KCNB2: variants seen among roughly 807,000 people sequenced by gnomAD.
The protein encoded by KCNB2 is potassium voltage-gated channel subfamily B member 2, also known as delayed rectifier potassium channel protein.
A neutral mutation model predicts 61.5 loss-of-function variants in KCNB2; 15 were observed. The observed-to-expected ratio is 0.24, with a 90% CI of 0.16 to 0.38. KCNB2 has a LOEUF of 0.38. KCNB2 is among the 10% of genes least tolerant of loss of function. The pLI is 1.00. For missense variants in KCNB2, 828 were observed against 1,125.2 expected (o/e 0.74, Z 3.78); for synonymous variants, 457 against 446.0 (o/e 1.02, Z -0.31).
intron 2 of KCNB2, among the ~76,000 whole-genome samples, chr8:72,715,136 T>TA (rs766537511): frequency 6.6e-5 from 10 of 152,116 alleles, no homozygotes; most frequent in Non-Finnish European, 1.2e-4. Flanking sequence ...ATGCACCCAA[T>TA]ACAGGAGCAC....
At chr8:72,589,515 A>G (rs960847026) in intron 2 of KCNB2, among the ~76,000 whole-genome samples, 11 of 152,180 alleles carry the variant, frequency 7.2e-5, no homozygotes, top group African/African-American at 2.4e-4. Context: ...CTGTGGCACT[A>G]TCAGTGCTTG....
In KCNB2 at chr8:72,937,417, C is replaced by A. The variant is rs753436324; in HGVS notation, c.2062C>A (p.His688Asn). 1 of 1,613,988 alleles carries A rather than the reference C, an allele frequency of 6.2e-7. No individual in the cohort carries two copies. Among genetic ancestry groups the A allele is most frequent in the Admixed American group, 1.7e-5 (1 of 60,004 alleles). ...LDASGSQCGL[H>N]SPLQSDNATD... The stretch of plus-strand genomic sequence containing the variant: ...TGCCAGTGGCTCCCAGTGTGGGCTA[C>A]ATAGTCCTTTGCAGTCTGACAATGC... The change falls in exon 3 of 3, where the codon CAT becomes AAT. Residue 688 changes from histidine (H) to asparagine (N), a missense_variant. This residue lies in a region of KCNB2 where 559 missense variants were observed against 588.4 expected (regional missense o/e 0.95). Coordinates refer to ENST00000523207, the MANE Select transcript of KCNB2 (RefSeq NM_004770.3).
At chr8:72,673,695 A>C (rs1174408002) in intron 2 of KCNB2, among the ~76,000 whole-genome samples, 1 of 152,240 alleles carries the variant, frequency 6.6e-6, no homozygotes, top group Non-Finnish European at 1.5e-5. Flanking sequence ...GCAGCACAAA[A>C]GGACAAATGT....
chr8:72,630,474 G>T (rs924850373), intron 2 of KCNB2, among the ~76,000 whole-genome samples: 1 of 152,074 alleles, frequency 6.6e-6, no homozygotes, highest in Non-Finnish European at 1.5e-5. Flanking sequence ...GGTGCATGTT[G>T]ATCAAAGTGA....
chr8:72,916,609 C>A (rs868746740), intron 2 of KCNB2, among the ~76,000 whole-genome samples: 2 of 152,162 alleles, frequency 1.3e-5, no homozygotes, highest in African/African-American at 4.8e-5. Context: ...GCGTGACAGC[C>A]TTTTGCATCT....
At chr8:72,804,031 G>A (rs577468667) in intron 2 of KCNB2, among the ~76,000 whole-genome samples, 17 of 152,328 alleles carry the variant, frequency 1.1e-4, no homozygotes, top group African/African-American at 3.4e-4. Flanking sequence ...TGGACATGGC[G>A]GGAGAGGGTC....
At chr8:72,822,728 T>C (rs1306449104) in intron 2 of KCNB2, among the ~76,000 whole-genome samples, 1 of 152,208 alleles carries the variant, frequency 6.6e-6, no homozygotes, top group African/African-American at 2.4e-5. Context: ...AAATTTAGAA[T>C]AAAATCTAAA....
At chr8:72,621,752 C>G (rs1173499745) in intron 2 of KCNB2, among the ~76,000 whole-genome samples, 1 of 152,042 alleles carries the variant, frequency 6.6e-6, no homozygotes, top group Non-Finnish European at 1.5e-5. Flanking sequence ...AAAATTTAGA[C>G]TAAAATTCTC....
intron 2 of KCNB2, among the ~76,000 whole-genome samples, chr8:72,594,430 T>A (rs1413571869): frequency 6.6e-6 from 1 of 152,172 alleles, no homozygotes; most frequent in African/African-American, 2.4e-5. Context: ...TGCTTTAGCT[T>A]GTGATGAATA....
At chr8:72,702,034 A>G (rs183671056) in intron 2 of KCNB2, among the ~76,000 whole-genome samples, 40 of 152,288 alleles carry the variant, frequency 2.6e-4, no homozygotes, top group Non-Finnish European at 1.8e-4. Context: ...AGTTATCTAC[A>G]ATGATTATCT....
At chr8:72,619,935 A>C (rs184653025) in intron 2 of KCNB2, among the ~76,000 whole-genome samples, 2 of 152,352 alleles carry the variant, frequency 1.3e-5, no homozygotes, top group African/African-American at 4.8e-5. Flanking sequence ...CTTCAAATGT[A>C]GCTAGTCTGA....
At chr8:72,583,414 T>C (rs916822994) in intron 2 of KCNB2, among the ~76,000 whole-genome samples, 7 of 152,184 alleles carry the variant, frequency 4.6e-5, no homozygotes, top group African/African-American at 1.7e-4. Context: ...ATATCTGTTT[T>C]TGAGTTTTTA....
intron 2 of KCNB2, among the ~76,000 whole-genome samples, chr8:72,784,159 A>G (rs1808810544): frequency 1.3e-5 from 2 of 152,110 alleles, no homozygotes; most frequent in Non-Finnish European, 2.9e-5. Flanking sequence ...ATTACCACCT[A>G]AATATCCATC....
Position 72,550,300 on chromosome 8 carries a change from G to T in KCNB2, c.-94+12415G>T, listed in dbSNP as rs535038487. Among the ~76,000 whole-genome samples the T allele has an allele frequency of 2.8e-4, 43 of 152,316 alleles. 1 individual carries two copies. The South Asian group carries it at 8.9e-3, about 32-fold the overall frequency. ...CTTATACTCTAACTGGCTGGAAATT[G>T]TAGCCAGCTTTTTACAGGTGCACAT... On this transcript the variant is annotated intron_variant, in intron 1 of 2. Transcript: ENST00000523207.
At chr8:72,553,821 G>A (rs374285441) in intron 1 of KCNB2, among the ~76,000 whole-genome samples, 1 of 152,000 alleles carries the variant, frequency 6.6e-6, no homozygotes, top group Non-Finnish European at 1.5e-5. Flanking sequence ...TAAATCTGGG[G>A]AGCTATTTTA....
At chr8:72,687,111 T>A (rs1195142812) in intron 2 of KCNB2, among the ~76,000 whole-genome samples, 2 of 152,236 alleles carry the variant, frequency 1.3e-5, no homozygotes, top group Non-Finnish European at 2.9e-5. Context: ...AATGTCTTCA[T>A]AAATATTTGG....
chr8:72,680,229 A>G (rs1806729335), intron 2 of KCNB2, among the ~76,000 whole-genome samples: 1 of 152,200 alleles, frequency 6.6e-6, no homozygotes. Context: ...AGAGCTTACA[A>G]GGAAGGCATG....
intron 1 of KCNB2, among the ~76,000 whole-genome samples, chr8:72,561,691 TTATATATATATATA>T (rs1172254677): frequency 1.0e-4 from 2 of 19,406 alleles, no homozygotes; most frequent in Admixed American, 1.8e-3. Flanking sequence ...GATCTTACTT[TTATATATATATATA>T]TATATATATA....
chr8:72,811,082 A>G (rs1457581436), intron 2 of KCNB2, among the ~76,000 whole-genome samples: 1 of 151,944 alleles, frequency 6.6e-6, no homozygotes, highest in Non-Finnish European at 1.5e-5. Flanking sequence ...TTTTTAGCTG[A>G]TATCTTACAT....
Sources: gnomAD v4.1 joint callset for allele counts (sites outside exome capture counted in the v4.1 genomes callset) on GRCh38, gnomAD v4.1.1 for gene constraint, gnomAD v4.1.1 regional missense constraint, MANE v1.5 for transcripts, NCBI Gene and HGNC (gene_info 2026-07-23, HGNC 2026-07-21) for gene names.